The following TAAR5 variants were observed in gnomAD, a reference collection of about 807,000 sequenced individuals.
The protein encoded by TAAR5 is trace amine associated receptor 5.
A neutral mutation model predicts 21.1 loss-of-function variants in TAAR5; 27 were observed. The ratio of observed to expected loss-of-function variants is 1.28; its 90% confidence interval spans 0.94 to 1.76. The LOEUF is 1.76. TAAR5 is among the 40% of genes most tolerant of loss of function. TAAR5 has a pLI of 0.00. For synonymous variants in TAAR5, 203 were observed against 167.5 expected, an observed-to-expected ratio of 1.21 and a Z score of -1.64; for missense variants, 495 against 405.6, an observed-to-expected ratio of 1.22 and a Z score of -1.89.
At chr6:132,602,280 A>G in the TAAR5 span, among the ~76,000 whole-genome samples, 3 of 152,178 alleles carry the variant, frequency 2.0e-5, no homozygotes, top group Non-Finnish European at 4.4e-5. Context: ...TTGTAAATAT[A>G]TAATGAAATA....
At chr6:132,611,294 G>A in the TAAR5 span, among the ~76,000 whole-genome samples, 1 of 151,884 alleles carries the variant, frequency 6.6e-6, no homozygotes, top group Admixed American at 6.6e-5. Context: ...ATAGTGGGGA[G>A]AGGGGGATAA....
At chr6:132,613,465 A>T in the TAAR5 span, among the ~76,000 whole-genome samples, 1 of 152,266 alleles carries the variant, frequency 6.6e-6, no homozygotes, top group South Asian at 2.1e-4. Context: ...ATGTTGAATC[A>T]CATAGCCTCT....
In TAAR5 at chr6:132,589,479, T is replaced by C. The variant is rs369906035; in HGVS notation, c.208A>G (p.Asn70Asp). The change falls in exon 1 of 1, where the codon AAC becomes GAC. Residue 70 changes from asparagine (N) to aspartate (D), a missense_variant. By Grantham distance (23) the Asn-to-Asp change is conservative. Transcript: ENST00000258034. ...SYFKALHTPTNFLLLSLALAD... is the reference protein window; with the variant it reads ...SYFKALHTPTDFLLLSLALAD... ...AGGGCCAGGGAGAGCAGCAGGAAGT[T>C]GGTGGGCGTGTGAAGCGCTTTGAAG... is the stretch of plus-strand genomic sequence containing the variant. The C allele has an allele frequency of 6.2e-7, 1 of 1,613,856 alleles. No individual in the cohort carries two copies. Among genetic ancestry groups the C allele is most frequent in the Non-Finnish European group, 8.5e-7 (1 of 1,179,922 alleles).
the TAAR5 span, among the ~76,000 whole-genome samples, chr6:132,600,040 G>A: frequency 1.7e-3 from 264 of 152,196 alleles, 1 homozygote; most frequent in African/African-American, 6.2e-3. Flanking sequence ...ACTGTAGGAG[G>A]CATCTACCTC....
upstream of TAAR5, chr6:132,594,691 T>C (rs1353127278): frequency 6.6e-6 from 1 of 152,136 alleles, no homozygotes; most frequent in Non-Finnish European, 1.5e-5. Flanking sequence ...AGGATGCCTT[T>C]TTTTTTGCTT....
At chr6:132,600,772 G>C in the TAAR5 span, among the ~76,000 whole-genome samples, 2 of 142,054 alleles carry the variant, frequency 1.4e-5, no homozygotes, top group Non-Finnish European at 3.0e-5. Flanking sequence ...AAAGAAGGAA[G>C]GAAGGAGGGA....
the TAAR5 span, among the ~76,000 whole-genome samples, chr6:132,599,110 A>G: frequency 6.6e-6 from 1 of 152,182 alleles, no homozygotes; most frequent in East Asian, 1.9e-4. Flanking sequence ...ACGCAAAAAG[A>G]ACAAGGCTTC....
chr6:132,610,471 G>A, the TAAR5 span, among the ~76,000 whole-genome samples: 34 of 152,120 alleles, frequency 2.2e-4, no homozygotes, highest in Non-Finnish European at 4.0e-4. Context: ...TCCTAAGAAA[G>A]AGCACAGAAA....
At chr6:132,591,814 T>C (rs1213242154), upstream of TAAR5, among the ~76,000 whole-genome samples, 1 of 152,256 alleles carries the variant, frequency 6.6e-6, no homozygotes, top group Non-Finnish European at 1.5e-5. Context: ...CACAATTGTA[T>C]GATCTCTATG....
upstream of TAAR5, among the ~76,000 whole-genome samples, chr6:132,592,390 A>G (rs1582727943): frequency 2.6e-5 from 4 of 152,354 alleles, no homozygotes; most frequent in Admixed American, 2.6e-4. Context: ...ACTCAGGTTC[A>G]GAGATTCTCT....
At chr6:132,599,636 T>C in the TAAR5 span, among the ~76,000 whole-genome samples, 4 of 152,150 alleles carry the variant, frequency 2.6e-5, no homozygotes, top group Non-Finnish European at 5.9e-5. Flanking sequence ...GCCCAAAGCT[T>C]GCTCTTGTAG....
the TAAR5 span, among the ~76,000 whole-genome samples, chr6:132,600,048 C>T: frequency 2.3e-4 from 35 of 152,262 alleles, no homozygotes; most frequent in East Asian, 5.2e-3. Context: ...AGGCATCTAC[C>T]TCCCTAGATT....
At chr6:132,614,939 C>G in the TAAR5 span, among the ~76,000 whole-genome samples, 27 of 152,196 alleles carry the variant, frequency 1.8e-4, no homozygotes, top group Admixed American at 4.6e-4. Flanking sequence ...TCTCAGCTCA[C>G]TGCAACCTCC....
chr6:132,608,561 C>A, the TAAR5 span: 1 of 455,842 alleles, frequency 2.2e-6, no homozygotes, highest in Admixed American at 2.4e-5. Flanking sequence ...TTCACTGCCC[C>A]CTTTGTGTTT....
chr6:132,609,240 A>C, the TAAR5 span: 33,717 of 347,932 alleles, frequency 0.097, 5,494 homozygotes, highest in African/African-American at 0.46. Context: ...AATTTTGGAC[A>C]ACTGGATAGG....
Position 132,589,169 on chromosome 6 carries a change from T to C in TAAR5, c.518A>G (p.Asp173Gly). 1.6e-5 allele frequency: 25 copies of C among 1,609,136 alleles called. No individual in the cohort carries two copies. The highest frequency in any genetic ancestry group is 2.1e-5 in the Non-Finnish European group (25 of 1,177,656). Residue 173 changes from aspartate to glycine, a missense_variant, in exon 1 of 1, where the codon GAT becomes GGT. Asp to Gly is a moderately conservative substitution (Grantham distance 94). Transcript: ENST00000258034. ...AAYTSLFLYT[D>G]VVETRLSQWL... ...CTGGCTGAGCCTTGTCTCTACCACA[T>C]CTGTGTAGAGGAATAACGAAGTGTA...
Position 132,588,970 on chromosome 6 carries a change from G to A in TAAR5, c.717C>T (p.Ser239=). The A allele has an allele frequency of 6.2e-7, 1 of 1,614,032 alleles. No individual in the cohort carries two copies. The highest frequency in any genetic ancestry group is 2.2e-5 in the East Asian group (1 of 44,844). ...TCTCATGCTTGGCAGCCCCAGCCAG[G>A]CTTTTGCTCAATGTGGTAATCTGCT... ...QAQQITTLSK[S]LAGAAKHERK... The change falls in exon 1 of 1, where the codon AGC becomes AGT. Residue 239 remains serine (S), a synonymous_variant. Transcript: ENST00000258034.
upstream of TAAR5, among the ~76,000 whole-genome samples, chr6:132,593,734 G>A (rs1029389757): frequency 2.0e-5 from 3 of 152,172 alleles, no homozygotes; most frequent in Non-Finnish European, 1.5e-5. Flanking sequence ...GATCTAAAGT[G>A]TATATTGGGA....
upstream of TAAR5, among the ~76,000 whole-genome samples, chr6:132,593,364 C>A (rs937455855): frequency 7.9e-5 from 12 of 152,268 alleles, no homozygotes; most frequent in African/African-American, 2.9e-4. Flanking sequence ...ATCTCTGAAC[C>A]ACAATCAGAG....
Sources: allele counts gnomAD v4.1 joint callset (sites outside exome capture counted in the v4.1 genomes callset), GRCh38; gene constraint gnomAD v4.1.1; transcripts MANE v1.5; gene names NCBI Gene and HGNC (gene_info 2026-07-23, HGNC 2026-07-21).